The following PRKN variants were observed in gnomAD, a reference collection of about 807,000 sequenced individuals.
PRKN encodes the protein E3 ubiquitin-protein ligase parkin.
In PRKN, 56 loss-of-function variants were observed where a neutral mutation model predicts 59.5. That is an observed-to-expected ratio of 0.94 (90% CI 0.76 to 1.18). PRKN has a LOEUF of 1.18. PRKN is among the 50% of genes most tolerant of loss of function. The pLI is 0.00. For missense variants in PRKN, 657 were observed against 596.4 expected, an observed-to-expected ratio of 1.10 and a Z score of -1.06; for synonymous variants, 250 against 222.1, an observed-to-expected ratio of 1.13 and a Z score of -1.12.
chr6:161,478,662 T>C (rs1217603900), intron 9 of PRKN, among the ~76,000 whole-genome samples: 1 of 152,136 alleles, frequency 6.6e-6, no homozygotes, highest in African/African-American at 2.4e-5. Context: ...CTGGGCAACA[T>C]GGCAAAGCCT....
chr6:161,375,195 C>A (rs1785643884), intron 10 of PRKN, among the ~76,000 whole-genome samples: 1 of 152,136 alleles, frequency 6.6e-6, no homozygotes, highest in South Asian at 2.1e-4. Context: ...GGTGCTGAGG[C>A]TCCTGCAGAG....
chr6:161,978,814 G>A (rs1393711858), intron 5 of PRKN, among the ~76,000 whole-genome samples: 2 of 152,226 alleles, frequency 1.3e-5, no homozygotes, highest in Non-Finnish European at 2.9e-5. Context: ...GAGTTCTAGC[G>A]TGTGCAGGGG....
intron 2 of PRKN, among the ~76,000 whole-genome samples, chr6:162,379,775 T>G (rs1027948462): frequency 1.3e-5 from 2 of 152,222 alleles, no homozygotes; most frequent in Non-Finnish European, 2.9e-5. Context: ...ACAATAGATT[T>G]TAAGGCACTT....
intron 2 of PRKN, among the ~76,000 whole-genome samples, chr6:162,387,567 GA>G (rs1562723178): frequency 7.7e-6 from 1 of 130,290 alleles, no homozygotes; most frequent in African/African-American, 3.0e-5. Context: ...GAGAGAGAGA[GA>G]GAGAGAGAGA....
intron 5 of PRKN, among the ~76,000 whole-genome samples, chr6:162,025,014 ATT>A (rs753238837): frequency 8.4e-5 from 11 of 130,970 alleles, no homozygotes; most frequent in African/African-American, 2.3e-4. Context: ...TCCAGATTGT[ATT>A]TTTTTTTTTT....
intron 4 of PRKN, among the ~76,000 whole-genome samples, chr6:162,114,736 A>T (rs1321055806): frequency 4.0e-5 from 6 of 150,714 alleles, no homozygotes; most frequent in Non-Finnish European, 8.9e-5. Flanking sequence ...CAAAAAACAC[A>T]TGAAAAAATG....
intron 2 of PRKN, among the ~76,000 whole-genome samples, chr6:162,402,714 G>C (rs780656126): frequency 6.6e-6 from 1 of 150,926 alleles, no homozygotes. Context: ...GGAGTACAGT[G>C]GTGTGATCAC....
intron 1 of PRKN, among the ~76,000 whole-genome samples, chr6:162,595,468 C>T (rs1483760221): frequency 1.3e-5 from 2 of 151,958 alleles, no homozygotes; most frequent in Non-Finnish European, 2.9e-5. Context: ...GTTGGCCAAG[C>T]TGGTCTTGAA....
rs558834914 is a variant in PRKN at position 161,663,888 on chromosome 6, C to T, written c.872-94472G>A. Among the ~76,000 whole-genome samples the T allele has an allele frequency of 6.4e-4, 97 of 152,286 alleles. 1 individual carries two copies. Among genetic ancestry groups the T allele is most frequent in the African/African-American group, 2.2e-3 (92 of 41,560 alleles). ...CGCCGGGAGAGAGGCTGGGATGCTG[C>T]ACATGGGGGAGTGGCTTGGGTTGGC... On this transcript the variant is annotated intron_variant, in intron 7 of 11. Coordinates refer to ENST00000366898, the MANE Select transcript of PRKN (RefSeq NM_004562.3).
intron 11 of PRKN, among the ~76,000 whole-genome samples, chr6:161,350,894 T>C (rs1326482741): frequency 1.1e-5 from 1 of 94,968 alleles, no homozygotes; most frequent in Non-Finnish European, 1.8e-5. Flanking sequence ...ATATTTAAAA[T>C]ATATATAAAT....
intron 4 of PRKN, among the ~76,000 whole-genome samples, chr6:162,087,999 A>G (rs977782354): frequency 1.6e-4 from 24 of 152,204 alleles, no homozygotes; most frequent in Admixed American, 9.8e-4. Context: ...GAGAGTCATC[A>G]GAATGCAAAG....
At chr6:161,573,055 A>G (rs572483649) in intron 7 of PRKN, among the ~76,000 whole-genome samples, 1 of 152,286 alleles carries the variant, frequency 6.6e-6, no homozygotes, top group South Asian at 2.1e-4. Context: ...GAGTGGATAG[A>G]AGGCAAGGGA....
chr6:161,689,116 T>G (rs1240470771), intron 7 of PRKN, among the ~76,000 whole-genome samples: 1 of 151,924 alleles, frequency 6.6e-6, no homozygotes, highest in Non-Finnish European at 1.5e-5. Flanking sequence ...TGGCAATCCC[T>G]AAAGTACATT....
chr6:161,886,754 A>T (rs1172145594), intron 6 of PRKN, among the ~76,000 whole-genome samples: 1 of 135,864 alleles, frequency 7.4e-6, no homozygotes, highest in East Asian at 2.0e-4. Context: ...AATAAAATAA[A>T]AAAAAATAAA....
chr6:161,923,715 C>T (rs988421286), intron 6 of PRKN, among the ~76,000 whole-genome samples: 3 of 152,128 alleles, frequency 2.0e-5, no homozygotes, highest in African/African-American at 4.8e-5. Flanking sequence ...GCAAACATCA[C>T]GATCCTTTAC....
rs181292661 is a variant in PRKN, at chr6:162,452,601, C to G, written c.8-9128G>C. Among the ~76,000 whole-genome samples the G allele has an allele frequency of 7.3e-5, 11 of 151,428 alleles. 1 individual carries two copies. The highest frequency in any genetic ancestry group is 7.2e-4 in the Admixed American group (11 of 15,210). ...ATCAAAATGAATAAAAATATTGACC[C>G]AAAAAGCAAGCAAAAATCATAATGG... On this transcript the variant is annotated intron_variant, in intron 1 of 11. Transcript: ENST00000366898.
In PRKN at chr6:162,080,766, C is replaced by T. The variant is rs546549711; in HGVS notation, c.535-26592G>A. ...AAAATAAGACAACAATGAAGTTTGC[C>T]GCACTGATGGACTCTTCATTTCATA... On this transcript the variant is annotated intron_variant, in intron 4 of 11. Coordinates refer to ENST00000366898, the MANE Select transcript of PRKN (RefSeq NM_004562.3). Among the ~76,000 whole-genome samples, 134 of 152,124 alleles carry T rather than the reference C, an allele frequency of 8.8e-4. 1 individual carries two copies. The highest frequency in any genetic ancestry group is 2.6e-3 in the African/African-American group (109 of 41,446).
chr6:161,838,641 TTC>T (rs1390693473), intron 6 of PRKN, among the ~76,000 whole-genome samples: 1 of 152,200 alleles, frequency 6.6e-6, no homozygotes. Context: ...CTTCCTAATA[TTC>T]TCTCTCACCT....
intron 4 of PRKN, among the ~76,000 whole-genome samples, chr6:162,169,854 A>T (rs1783182769): frequency 6.6e-6 from 1 of 152,188 alleles, no homozygotes; most frequent in Non-Finnish European, 1.5e-5. Flanking sequence ...CATTGTTACA[A>T]CATCTCCTTG....
Sources: gnomAD v4.1 joint callset for allele counts (sites outside exome capture counted in the v4.1 genomes callset) on GRCh38, gnomAD v4.1.1 for gene constraint, MANE v1.5 for transcripts, NCBI Gene and HGNC (gene_info 2026-07-23, HGNC 2026-07-21) for gene names.